The following NECTIN1 variants were observed in gnomAD, a reference collection of about 807,000 sequenced individuals.
NECTIN1 encodes nectin cell adhesion molecule 1, also known as nectin-1.
NECTIN1 carries 23 observed loss-of-function variants against 48.0 expected under a neutral mutation model. The observed-to-expected ratio is 0.48, with a 90% CI of 0.34 to 0.68. NECTIN1 has a LOEUF of 0.68. Among genes scored for constraint, NECTIN1 ranks in the 30% least tolerant of loss-of-function variants. The pLI is 0.01. For missense variants in NECTIN1, 591 were observed against 709.9 expected, an observed-to-expected ratio of 0.83 and a Z score of 1.90; for synonymous variants, 270 against 288.9, an observed-to-expected ratio of 0.93 and a Z score of 0.66.
chr11:119,677,281 A>C lies in NECTIN1; in HGVS notation c.734-62T>G. On this transcript the variant is annotated intron_variant, in intron 3 of 5. Transcript: ENST00000264025. The surrounding 1 kb of genome is among the most constrained non-coding windows in gnomAD (Gnocchi z 5.4). ...GGAGAGCGGGACTTAGAACAAGGGA[A>C]CTTCAGCCAGGAAGGGATGGAAGGA... 1 of 1,430,452 alleles carries C rather than the reference A, an allele frequency of 7.0e-7. No homozygotes were observed. Among genetic ancestry groups the C allele is most frequent in the Non-Finnish European group, 9.9e-7 (1 of 1,014,472 alleles). The allele number at this position is 1,430,452 out of a possible 1,614,324, so 88.6% of individuals were successfully genotyped here.
At chr11:119,657,739 A>AAAT (rs57059976), downstream of NECTIN1, among the ~76,000 whole-genome samples, 75,570 of 128,036 alleles carry the variant, frequency 0.59, 23,281 homozygotes, top group Non-Finnish European at 0.67. Flanking sequence ...TGTCTCTATA[A>AAAT]AATAATAATA....
At chr11:119,716,009 A>T (rs1264111569) in intron 1 of NECTIN1, among the ~76,000 whole-genome samples, 1 of 152,172 alleles carries the variant, frequency 6.6e-6, no homozygotes, top group African/African-American at 2.4e-5. Flanking sequence ...CCCACAACAC[A>T]TCCAGGGCAG....
In NECTIN1 at chr11:119,662,798, C is replaced by A; in HGVS notation, c.*1949G>T. On this transcript the variant is annotated 3_prime_UTR_variant, in exon 6 of 6. Coordinates refer to ENST00000264025, the MANE Select transcript of NECTIN1 (RefSeq NM_002855.5). The surrounding 1 kb of genome is among the most constrained non-coding windows in gnomAD (Gnocchi z 5.3). ...CCTCTGCCCTGTGGCTGGAAAGACT[C>A]CACAATTTTCTCCCCTAACTTCACC... The A allele has an allele frequency of 1.0e-6, 1 of 986,330 alleles. No individual in the cohort carries two copies. The highest frequency in any genetic ancestry group is 1.2e-6 in the Non-Finnish European group (1 of 830,364). The allele number at this position is 986,330 out of a possible 1,614,324, so 61.1% of individuals were successfully genotyped here. A position where few individuals can be genotyped will look rare whatever the true frequency, so the allele number is the denominator to read the frequency against.
rs564859431 is a variant in NECTIN1 at position 119,692,437 on chromosome 11, C to T, written c.80-13672G>A. Among the ~76,000 whole-genome samples, 8 of 143,256 alleles carry T rather than the reference C, an allele frequency of 5.6e-5. No individual in the cohort carries two copies. In the East Asian group the frequency reaches 1.2e-3, roughly 21 times the overall value. The allele number at this position is 143,256 out of a possible 152,430, so 94.0% of individuals were successfully genotyped here. On this transcript the variant is annotated intron_variant, in intron 1 of 5. Coordinates refer to ENST00000264025, the MANE Select transcript of NECTIN1 (RefSeq NM_002855.5). Reference sequence around the variant, plus strand: ...TGTGTGTGTGTGTGTGTGTGGGTGGCGGGGGTGGGAAGTGGACCCCATGTT... The same window carrying T: ...TGTGTGTGTGTGTGTGTGTGGGTGGTGGGGGTGGGAAGTGGACCCCATGTT...
intron 5 of NECTIN1, among the ~76,000 whole-genome samples, chr11:119,646,886 A>G (rs553702011): frequency 2.6e-5 from 4 of 152,240 alleles, no homozygotes; most frequent in Non-Finnish European, 5.9e-5. Flanking sequence ...GTTGTCGGCC[A>G]TGAGTGAGGT....
chr11:119,700,509 T>C (rs1865433053), intron 1 of NECTIN1, among the ~76,000 whole-genome samples: 2 of 152,176 alleles, frequency 1.3e-5, no homozygotes, highest in African/African-American at 4.8e-5. Flanking sequence ...CCATCTGGCT[T>C]GGCCAGTCTG....
chr11:119,697,540 C>T (rs2135567735), intron 1 of NECTIN1, among the ~76,000 whole-genome samples: 1 of 152,254 alleles, frequency 6.6e-6, no homozygotes, highest in African/African-American at 2.4e-5. Context: ...ATTTTATTTC[C>T]ACCACTATTG....
chr11:119,715,191 C>T (rs1219707558), intron 1 of NECTIN1, among the ~76,000 whole-genome samples: 3 of 152,114 alleles, frequency 2.0e-5, no homozygotes, highest in African/African-American at 7.2e-5. Context: ...GAATGGGGTG[C>T]TACAGCATTT....
chr11:119,726,175 G>A (rs1050251976), intron 1 of NECTIN1, among the ~76,000 whole-genome samples: 1 of 152,184 alleles, frequency 6.6e-6, no homozygotes, highest in African/African-American at 2.4e-5. Context: ...CACAGCCCAG[G>A]AAAACCCTGA....
downstream of NECTIN1, among the ~76,000 whole-genome samples, chr11:119,657,780 G>A (rs1421258412): frequency 2.8e-5 from 3 of 105,638 alleles, no homozygotes; most frequent in Non-Finnish European, 5.7e-5. Flanking sequence ...AATAATACTA[G>A]CTGGGCATGG....
Position 119,714,778 on chromosome 11 carries a change from T to C in NECTIN1, c.79+13697A>G, listed in dbSNP as rs528957603. ...GAAGGGGGTGGGGGTGGGAAAGGGATAGAGGGAGGTGGGGAAGCTTGGAGG... is the reference window on the plus strand; with the variant it reads ...GAAGGGGGTGGGGGTGGGAAAGGGACAGAGGGAGGTGGGGAAGCTTGGAGG... On this transcript the variant is annotated intron_variant, in intron 1 of 5. Coordinates refer to ENST00000264025, the MANE Select transcript of NECTIN1 (RefSeq NM_002855.5). Among the ~76,000 whole-genome samples the C allele has an allele frequency of 1.8e-4, 27 of 151,344 alleles. No individual in the cohort carries two copies. The East Asian group carries it at 5.1e-3, about 28-fold the overall frequency.
intron 1 of NECTIN1, among the ~76,000 whole-genome samples, chr11:119,685,286 C>T (rs1178049344): frequency 1.3e-5 from 2 of 152,244 alleles, no homozygotes; most frequent in African/African-American, 2.4e-5. Flanking sequence ...TGATGACCCC[C>T]CAACTCCCCA....
chr11:119,707,063 G>A (rs1344598583), intron 1 of NECTIN1, among the ~76,000 whole-genome samples: 1 of 152,198 alleles, frequency 6.6e-6, no homozygotes, highest in Non-Finnish European at 1.5e-5. Flanking sequence ...TCTGGCAAGG[G>A]AAGTAGGCCC....
rs887949385 is a variant in NECTIN1 at position 119,728,750 on chromosome 11, G to C, written c.-197C>G. 3 of 452,658 alleles carry C rather than the reference G, an allele frequency of 6.6e-6. No homozygotes were observed. Among genetic ancestry groups the C allele is most frequent in the African/African-American group, 6.2e-5 (3 of 48,414 alleles). 28.0% of individuals were successfully genotyped at this position (452,658 alleles called of 1,614,324 possible). A position where few individuals can be genotyped will look rare whatever the true frequency, so the allele number is the denominator to read the frequency against. Reference sequence around the variant, plus strand: ...CAGTCCGGGCCCCGGGCCGCCGCCGGCTCAGAGGCTCGGCAGATGCCCGCC... The same window carrying C: ...CAGTCCGGGCCCCGGGCCGCCGCCGCCTCAGAGGCTCGGCAGATGCCCGCC... On this transcript the variant is annotated 5_prime_UTR_variant, in exon 1 of 6. Transcript: ENST00000264025.
At chr11:119,693,111 A>G (rs1865288387) in intron 1 of NECTIN1, among the ~76,000 whole-genome samples, 1 of 152,138 alleles carries the variant, frequency 6.6e-6, no homozygotes, top group Non-Finnish European at 1.5e-5. Context: ...GATATGACTG[A>G]AGACTCCAGA....
At chr11:119,722,641 C>T (rs993388548) in intron 1 of NECTIN1, among the ~76,000 whole-genome samples, 2 of 152,244 alleles carry the variant, frequency 1.3e-5, no homozygotes, top group African/African-American at 2.4e-5. Context: ...TCAACCACCT[C>T]AGCTGAACCT....
intron 1 of NECTIN1, among the ~76,000 whole-genome samples, chr11:119,693,404 A>T (rs979953582): frequency 2.0e-5 from 3 of 152,224 alleles, no homozygotes; most frequent in African/African-American, 7.2e-5. Flanking sequence ...ATCCATTTAC[A>T]TGTAAAATCT....
intron 1 of NECTIN1, among the ~76,000 whole-genome samples, chr11:119,693,085 G>A (rs953186453): frequency 1.3e-5 from 2 of 152,158 alleles, no homozygotes; most frequent in Non-Finnish European, 2.9e-5. Context: ...TAGCAACCCC[G>A]GCAGCCCAGC....
At chr11:119,680,318 A>G (rs1452850608) in intron 1 of NECTIN1, among the ~76,000 whole-genome samples, 1 of 152,142 alleles carries the variant, frequency 6.6e-6, no homozygotes, top group Non-Finnish European at 1.5e-5. Flanking sequence ...TGTCATTTGT[A>G]TACTTCATGT....
Sources: allele counts gnomAD v4.1 joint callset (sites outside exome capture counted in the v4.1 genomes callset), GRCh38; gene constraint gnomAD v4.1.1; non-coding constraint Gnocchi (gnomAD v3.1); transcripts MANE v1.5; gene names NCBI Gene and HGNC (gene_info 2026-07-23, HGNC 2026-07-21).